Variants in CNTRL observed in about 807,000 individuals in gnomAD.
CNTRL encodes centriolin.
Under a neutral mutation model 303.7 loss-of-function variants are expected in CNTRL, and 233 were observed. The observed-to-expected ratio is 0.77, with a 90% CI of 0.69 to 0.86. The LOEUF (loss-of-function observed/expected upper bound fraction) is 0.86, where lower values mean the gene tolerates loss of function less well. Among genes scored for constraint, CNTRL ranks in the 40% least tolerant of loss-of-function variants. The pLI, the probability that CNTRL is intolerant of heterozygous loss-of-function variation, is 0.00. For synonymous variants in CNTRL, 900 were observed against 922.2 expected, an observed-to-expected ratio of 0.98 and a Z score of 0.44; for missense variants, 2,524 against 2,650.6, an observed-to-expected ratio of 0.95 and a Z score of 1.05.
chr9:121,154,891 A>G lies in CNTRL; in HGVS notation c.4343A>G (p.Glu1448Gly), dbSNP rs1426108103. ...CGACTCCTGGCAGAGGCTGAGAGTG[A>G]ACTTTCATGCACTAAAGAAAAGGTT... ...ADRLLAEAES[E>G]LSCTKEKTKN... Residue 1448 changes from glutamate (E) to glycine (G), a missense_variant, in exon 27 of 44, where the codon GAA becomes GGA. Transcript: ENST00000373855. 2 of 1,614,166 alleles carry G rather than the reference A, an allele frequency of 1.2e-6. No homozygotes were observed. The highest frequency in any genetic ancestry group is 2.2e-5 in the South Asian group (2 of 91,076).
At chr9:121,141,649 C>A in intron 18 of CNTRL, 61 bp downstream of exon 18, 1 of 1,400,534 alleles carries the variant, frequency 7.1e-7, no homozygotes, top group Non-Finnish European at 1.0e-6. Context: ...TGTTTTTCAG[C>A]AAATTACAAT....
intron 4 of CNTRL, among the ~76,000 whole-genome samples, chr9:121,091,498 G>C (rs1297040772): frequency 6.6e-6 from 1 of 152,116 alleles, no homozygotes; most frequent in African/African-American, 2.4e-5. Context: ...GATTTAGCCT[G>C]CATAAGACTT....
intron 14 of CNTRL, among the ~76,000 whole-genome samples, chr9:121,134,869 A>G (rs1460178375): frequency 6.6e-6 from 1 of 152,090 alleles, no homozygotes; most frequent in Non-Finnish European, 1.5e-5. Flanking sequence ...TGAATTCCCT[A>G]TTCTATTTTT....
At position 121,157,560 on chromosome 9, in the gene CNTRL, G is replaced by C; in HGVS notation, c.4456G>C (p.Glu1486Gln). 6.2e-7 allele frequency: 1 copy of C among 1,614,174 alleles called. No individual in the cohort carries two copies. The highest frequency in any genetic ancestry group is 8.5e-7 in the Non-Finnish European group (1 of 1,180,010). Reference protein sequence around the residue: ...DAEELERRAQETAVNLVKADQ... With the variant: ...DAEELERRAQQTAVNLVKADQ... The stretch of plus-strand genomic sequence containing the variant: ...TGAGGAATTAGAAAGGAGAGCTCAG[G>C]AAACTGCTGTTAACCTCGTCAAAGC... Residue 1486 changes from glutamate to glutamine, a missense_variant, in exon 28 of 44, where the codon GAA becomes CAA. Physicochemically the swap from Glu to Gln is conservative, Grantham distance 29 (BLOSUM62 2). Coordinates refer to ENST00000373855, the MANE Select transcript of CNTRL (RefSeq NM_007018.6).
chr9:121,161,093 A>G (rs1174003869), intron 32 of CNTRL, among the ~76,000 whole-genome samples: 3 of 152,022 alleles, frequency 2.0e-5, no homozygotes, highest in Admixed American at 2.0e-4. Flanking sequence ...GTAAAAAATG[A>G]ATATGGAGTA....
At position 121,148,688 on chromosome 9, in the gene CNTRL, C is replaced by T; in HGVS notation, c.3476C>T (p.Ser1159Phe). 1 of 1,613,190 alleles carries T rather than the reference C, an allele frequency of 6.2e-7. No individual in the cohort carries two copies. Among genetic ancestry groups the T allele is most frequent in the Non-Finnish European group, 8.5e-7 (1 of 1,179,342 alleles). Reference protein sequence around the residue: ...PPSSKVSSHSSQATKDSGVGL... With the variant: ...PPSSKVSSHSFQATKDSGVGL... ...TTGTTTTAGGTTTCCAGCCATAGTT[C>T]CCAGGCCACCAAGGACTCTGGTGTT... The change falls in exon 24 of 44, where the codon TCC becomes TTC. Residue 1159 changes from serine to phenylalanine, a missense_variant. Coordinates refer to ENST00000373855, the MANE Select transcript of CNTRL (RefSeq NM_007018.6).
chr9:121,155,685 T>C (rs914147490), intron 27 of CNTRL, among the ~76,000 whole-genome samples: 1 of 152,238 alleles, frequency 6.6e-6, no homozygotes, highest in African/African-American at 2.4e-5. Context: ...TTACCTTTTA[T>C]TGAGCCACTG....
rs5900472 is a variant in CNTRL, at chr9:121,124,944, GAA to G, written c.1805-758_1805-757del. 7.5e-3 allele frequency among the ~76,000 whole-genome samples: 1,016 copies of G among 135,852 alleles called. 10 individuals are homozygous for G. Among genetic ancestry groups the G allele is most frequent in the East Asian group, 0.024 (111 of 4,678 alleles). The allele number at this position is 135,852 out of a possible 152,430, so 89.1% of individuals were successfully genotyped here. On this transcript the variant is annotated intron_variant, in intron 13 of 43. Transcript: ENST00000373855. ...TAGGTGACAGAGTGAAACTTTGTCT[GAA>G]AAAAAAAAAAAAAGAGAGAGATAGT... is the stretch of plus-strand genomic sequence containing the variant.
chr9:121,139,893 G>A (rs529957243), intron 16 of CNTRL, among the ~76,000 whole-genome samples: 46 of 152,320 alleles, frequency 3.0e-4, no homozygotes, highest in African/African-American at 9.6e-4. Context: ...CTTCTCCAAA[G>A]TAGAAAGTGA....
intron 34 of CNTRL, among the ~76,000 whole-genome samples, chr9:121,162,687 C>T (rs1331897953): frequency 2.6e-5 from 4 of 152,058 alleles, no homozygotes; most frequent in African/African-American, 9.7e-5. Flanking sequence ...TCGAATTATT[C>T]TAAGACCTAG....
At chr9:121,147,384 A>ATT (rs1341521924) in intron 23 of CNTRL, among the ~76,000 whole-genome samples, 140 of 152,294 alleles carry the variant, frequency 9.2e-4, no homozygotes, top group African/African-American at 3.3e-3. Flanking sequence ...GGCCATGAGA[A>ATT]ATGGGTTGTG....
At chr9:121,103,158 G>A (rs1424869427) in intron 7 of CNTRL, among the ~76,000 whole-genome samples, 1 of 152,122 alleles carries the variant, frequency 6.6e-6, no homozygotes, top group African/African-American at 2.4e-5. Context: ...ATACTACAAG[G>A]CTACAGTAAA....
At chr9:121,174,307 TGA>T (rs998974086) in intron 42 of CNTRL, among the ~76,000 whole-genome samples, 5 of 152,164 alleles carry the variant, frequency 3.3e-5, no homozygotes, top group South Asian at 2.1e-4. Context: ...CAGCATGGGA[TGA>T]GAGAGTGCAG....
At chr9:121,091,722 T>TA (rs2048579609) in intron 4 of CNTRL, among the ~76,000 whole-genome samples, 1 of 151,806 alleles carries the variant, frequency 6.6e-6, no homozygotes, top group African/African-American at 2.4e-5. Context: ...CGGGCGCCTG[T>TA]AATCCCAGCT....
chr9:121,158,852 C>T lies in CNTRL; in HGVS notation c.4765-3C>T, dbSNP rs1301474226. The T allele has an allele frequency of 1.2e-6, 2 of 1,613,464 alleles. No homozygotes were observed. The highest frequency in any genetic ancestry group is 2.7e-5 in the African/African-American group (2 of 74,858). On this transcript the variant is annotated splice_region_variant and splice_polypyrimidine_tract_variant and intron_variant, in intron 30 of 43. Transcript: ENST00000373855. ...ACTTACTCTTCCCTTTTCTTTAATA[C>T]AGGTGACAAGTCAGCAGCAGGAGAT...
At chr9:121,132,004 T>C (rs1482635704) in intron 14 of CNTRL, among the ~76,000 whole-genome samples, 1 of 152,264 alleles carries the variant, frequency 6.6e-6, no homozygotes, top group Non-Finnish European at 1.5e-5. Flanking sequence ...AGATCTGCTG[T>C]TAGTCTGATG....
intron 40 of CNTRL, among the ~76,000 whole-genome samples, chr9:121,172,592 G>C (rs1319968190): frequency 2.0e-5 from 3 of 152,150 alleles, no homozygotes; most frequent in Non-Finnish European, 2.9e-5. Context: ...AGTGAGCCAA[G>C]ATTGTGCCAC....
intron 24 of CNTRL, among the ~76,000 whole-genome samples, chr9:121,149,831 T>C (rs552857435): frequency 3.7e-4 from 57 of 152,334 alleles, no homozygotes; most frequent in African/African-American, 1.3e-3. Context: ...TTACATGTCA[T>C]GACAGTGGTA....
chr9:121,090,449 T>G (rs764416391), intron 4 of CNTRL, 44 bp downstream of exon 4: 5 of 1,571,308 alleles, frequency 3.2e-6, no homozygotes, highest in South Asian at 1.2e-5. Flanking sequence ...GTTTTTAACT[T>G]TTCTGTGCTT....
Sources: gnomAD v4.1 joint callset for allele counts (sites outside exome capture counted in the v4.1 genomes callset) on GRCh38, gnomAD v4.1.1 for gene constraint, MANE v1.5 for transcripts, NCBI Gene and HGNC (gene_info 2026-07-23, HGNC 2026-07-21) for gene names.